The following CCSER1 variants were observed in gnomAD, a reference collection of about 807,000 sequenced individuals.
CCSER1 encodes coiled-coil serine rich protein 1, also known as serine-rich coiled-coil domain-containing protein 1.
CCSER1 carries 41 observed loss-of-function variants against 82.0 expected under a neutral mutation model. The ratio of observed to expected loss-of-function variants is 0.50; its 90% CI spans 0.39 to 0.65. CCSER1 has a LOEUF of 0.65. Ranked by LOEUF, CCSER1 falls within the 30% of genes least tolerant of loss-of-function variation. CCSER1 has a pLI of 0.00. For missense variants in CCSER1, 1,119 were observed against 1,064.2 expected, an observed-to-expected ratio of 1.05 and a Z score of -0.72; for synonymous variants, 414 against 383.9, an observed-to-expected ratio of 1.08 and a Z score of -0.92.
chr4:91,491,849 A>G (rs1191996874), intron 10 of CCSER1, among the ~76,000 whole-genome samples: 2 of 151,990 alleles, frequency 1.3e-5, no homozygotes, highest in Admixed American at 1.3e-4. Context: ...ATAATTACTT[A>G]CAATTCTTCA....
chr4:90,764,247 A>C (rs556407948), intron 7 of CCSER1, among the ~76,000 whole-genome samples: 2 of 152,322 alleles, frequency 1.3e-5, no homozygotes, highest in African/African-American at 2.4e-5. Flanking sequence ...AATAAAAAAA[A>C]GAGAAGTACT....
intron 10 of CCSER1, among the ~76,000 whole-genome samples, chr4:91,420,937 A>T (rs1578412099): frequency 6.6e-6 from 1 of 152,216 alleles, no homozygotes; most frequent in Admixed American, 6.5e-5. Context: ...TATTATGCTA[A>T]GTGAAATAGC....
At chr4:91,086,533 A>T (rs921037782) in intron 10 of CCSER1, among the ~76,000 whole-genome samples, 3 of 152,038 alleles carry the variant, frequency 2.0e-5, no homozygotes, top group Non-Finnish European at 4.4e-5. Flanking sequence ...CTAAATGTAT[A>T]AATGCTGTAC....
chr4:90,559,855 A>G (rs1393665301), intron 5 of CCSER1, among the ~76,000 whole-genome samples: 1 of 149,300 alleles, frequency 6.7e-6, no homozygotes, highest in African/African-American at 2.5e-5. Flanking sequence ...ATAGTAGTGC[A>G]TACCTGTAGT....
chr4:90,396,070 G>T (rs1751911887), intron 3 of CCSER1, among the ~76,000 whole-genome samples: 1 of 152,088 alleles, frequency 6.6e-6, no homozygotes, highest in Non-Finnish European at 1.5e-5. Context: ...AACAGAGAAA[G>T]ACTCCATCTC....
chr4:90,786,427 A>C (rs1156533396), intron 7 of CCSER1, among the ~76,000 whole-genome samples: 1 of 152,140 alleles, frequency 6.6e-6, no homozygotes, highest in Non-Finnish European at 1.5e-5. Flanking sequence ...CTCTTAATAA[A>C]TATTTTATTT....
intron 6 of CCSER1, among the ~76,000 whole-genome samples, chr4:90,633,795 G>T (rs974220005): frequency 6.6e-6 from 1 of 151,796 alleles, no homozygotes; most frequent in African/African-American, 2.4e-5. Context: ...TTTGAGGTGA[G>T]CTAAGAATTA....
chr4:91,439,557 G>A (rs1024629012), intron 10 of CCSER1, among the ~76,000 whole-genome samples: 3 of 151,766 alleles, frequency 2.0e-5, no homozygotes, highest in Non-Finnish European at 4.4e-5. Flanking sequence ...TCGAGACTAG[G>A]AAGAAACTGC....
At chr4:90,305,043 A>T (rs756219188) in intron 1 of CCSER1, among the ~76,000 whole-genome samples, 1 of 151,624 alleles carries the variant, frequency 6.6e-6, no homozygotes, top group African/African-American at 2.4e-5. Flanking sequence ...CAGCCTCCCT[A>T]GTAGCTGGGA....
chr4:90,386,485 C>T (rs1750076213), intron 3 of CCSER1, among the ~76,000 whole-genome samples: 1 of 152,060 alleles, frequency 6.6e-6, no homozygotes, highest in Non-Finnish European at 1.5e-5. Context: ...ACTCACTATA[C>T]AGAAATTAAC....
chr4:91,087,490 T>C (rs562984997), intron 10 of CCSER1, among the ~76,000 whole-genome samples: 1 of 152,140 alleles, frequency 6.6e-6, no homozygotes, highest in Non-Finnish European at 1.5e-5. Flanking sequence ...TTATTATAAG[T>C]GTACTTATAA....
At chr4:90,781,561 A>G (rs1753788966) in intron 7 of CCSER1, 1 of 977,456 alleles carries the variant, frequency 1.0e-6, no homozygotes, top group Admixed American at 6.2e-5. Context: ...TGAAATACAT[A>G]AATGAGTTAA....
intron 10 of CCSER1, among the ~76,000 whole-genome samples, chr4:91,281,759 T>C (rs947565230): frequency 6.6e-6 from 1 of 152,214 alleles, no homozygotes; most frequent in African/African-American, 2.4e-5. Flanking sequence ...AGTCAGTGTA[T>C]TATAAATATA....
chr4:90,428,806 A>G (rs955593737), intron 4 of CCSER1, among the ~76,000 whole-genome samples: 1 of 151,880 alleles, frequency 6.6e-6, no homozygotes, highest in African/African-American at 2.4e-5. Flanking sequence ...CATTATGAAC[A>G]TCAGAATGTC....
At chr4:91,391,057 TTTAAG>T (rs1470437673) in intron 10 of CCSER1, among the ~76,000 whole-genome samples, 4 of 152,152 alleles carry the variant, frequency 2.6e-5, no homozygotes, top group East Asian at 1.9e-4. Flanking sequence ...TATTTCCTGT[TTTAAG>T]TTATTTTCTA....
intron 3 of CCSER1, among the ~76,000 whole-genome samples, chr4:90,392,979 T>C (rs1487472237): frequency 2.0e-5 from 3 of 152,178 alleles, no homozygotes; most frequent in African/African-American, 7.2e-5. Context: ...ATTAAAAATA[T>C]ATGCACTACT....
chr4:90,378,607 A>G (rs988880424), intron 3 of CCSER1, among the ~76,000 whole-genome samples: 1 of 152,186 alleles, frequency 6.6e-6, no homozygotes, highest in Non-Finnish European at 1.5e-5. Flanking sequence ...CATTGAGGAC[A>G]TAAGCTTATT....
chr4:90,780,222 T>G (rs963446140), intron 7 of CCSER1, among the ~76,000 whole-genome samples: 4 of 152,202 alleles, frequency 2.6e-5, no homozygotes, highest in African/African-American at 9.6e-5. Context: ...CTTCTCAGTG[T>G]GGACAAGTTT....
intron 10 of CCSER1, among the ~76,000 whole-genome samples, chr4:91,295,777 C>T (rs570960641): frequency 1.3e-5 from 2 of 151,796 alleles, no homozygotes; most frequent in Non-Finnish European, 2.9e-5. Context: ...TTCCTATTTG[C>T]TCTTTGGTGT....
Sources: allele counts gnomAD v4.1 joint callset (sites outside exome capture counted in the v4.1 genomes callset), GRCh38; gene constraint gnomAD v4.1.1; transcripts MANE v1.5; gene names NCBI Gene and HGNC (gene_info 2026-07-23, HGNC 2026-07-21).